MARCHF7: variants seen among roughly 807,000 people sequenced by gnomAD.
MARCHF7 encodes membrane associated ring-CH-type finger 7.
MARCHF7 carries 20 observed loss-of-function variants against 76.5 expected under a neutral mutation model. The ratio of observed to expected loss-of-function variants is 0.26; its 90% confidence interval spans 0.18 to 0.38. The LOEUF is 0.38. MARCHF7 is among the 10% of genes least tolerant of loss of function. The probability of loss-of-function intolerance (pLI) is 1.00; values close to 1 mark genes in which losing one functional copy is unlikely to be tolerated. For synonymous variants in MARCHF7, 295 were observed against 293.0 expected, an observed-to-expected ratio of 1.01 and a Z score of -0.07; for missense variants, 797 against 812.9, an observed-to-expected ratio of 0.98 and a Z score of 0.24.
intron 11 of MARCHF7, 116 bp from the exon 12 acceptor site, chr2:159,767,168 T>C (rs770792504): frequency 9.7e-6 from 7 of 724,656 alleles, no homozygotes; most frequent in Non-Finnish European, 1.4e-5. Context: ...GATCAAACAA[T>C]ATACTAAATT....
At chr2:159,754,150 T>C (rs910763327) in intron 8 of MARCHF7, among the ~76,000 whole-genome samples, 5 of 152,136 alleles carry the variant, frequency 3.3e-5, no homozygotes, top group Non-Finnish European at 5.9e-5. Flanking sequence ...GAGGTTTTGG[T>C]ATTAAATAAG....
intron 11 of MARCHF7, among the ~76,000 whole-genome samples, chr2:159,764,925 ATTG>A (rs1053400431): frequency 3.3e-5 from 5 of 150,002 alleles, no homozygotes; most frequent in African/African-American, 9.8e-5. Flanking sequence ...AGAGAAATTT[ATTG>A]TTGATCACCT....
chr2:159,749,493 G>A (rs915056227), intron 7 of MARCHF7, among the ~76,000 whole-genome samples: 10 of 151,726 alleles, frequency 6.6e-5, no homozygotes, highest in Non-Finnish European at 8.8e-5. Context: ...GATTACAGGC[G>A]CCTGCCACCA....
chr2:159,762,439 A>T (rs1010989881), intron 9 of MARCHF7, among the ~76,000 whole-genome samples: 2 of 152,180 alleles, frequency 1.3e-5, no homozygotes, highest in Non-Finnish European at 2.9e-5. Context: ...TCATTCTTTT[A>T]TTTATGCCTT....
In MARCHF7 at chr2:159,769,151, T is replaced by C. The variant is rs1708052230; in HGVS notation, c.*1809T>C. The C allele has an allele frequency of 6.6e-6, 1 of 152,204 alleles. No individual in the cohort carries two copies. The allele number at this position is 152,204 out of a possible 1,614,324, so 9.4% of individuals were successfully genotyped here. A position where few individuals can be genotyped will look rare whatever the true frequency, so the allele number is the denominator to read the frequency against. The stretch of plus-strand genomic sequence containing the variant: ...TACACTGCTCACTACAAGAATGCAA[T>C]TTTCTAAGAAAATGTAGTTTAAAAT... On this transcript the variant is annotated 3_prime_UTR_variant, in exon 12 of 12. Coordinates refer to ENST00000409175, the MANE Select transcript of MARCHF7 (RefSeq NM_001282805.2).
intron 1 of MARCHF7, 83 bp downstream of exon 1, chr2:159,712,689 C>T (rs1285553470): frequency 6.6e-6 from 1 of 152,298 alleles, no homozygotes; most frequent in African/African-American, 2.4e-5. Context: ...TAGTTCTTCT[C>T]CGTCTTGGGC....
intron 5 of MARCHF7, among the ~76,000 whole-genome samples, chr2:159,744,557 G>T (rs1241682834): frequency 6.6e-6 from 1 of 152,220 alleles, no homozygotes; most frequent in Non-Finnish European, 1.5e-5. Context: ...AACTTGTGGT[G>T]ACACAATTGG....
rs770352473 is a variant in MARCHF7, at chr2:159,747,907, C to T, written c.617C>T (p.Pro206Leu). Residue 206 changes from proline (P) to leucine (L), a missense_variant, in exon 7 of 12, where the codon CCT (proline) becomes CTT (leucine). Physicochemically the swap from Pro to Leu is moderately conservative, Grantham distance 98 (BLOSUM62 -3). This residue lies in a region of MARCHF7 where 643 missense variants were observed against 631.5 expected (regional missense o/e 1.02). Transcript: ENST00000409175. Reference sequence around the variant, plus strand: ...ACATCATCCACAAACCACCAATTGCCTTCTGAACATCAGACCATACTAAGT... The same window carrying T: ...ACATCATCCACAAACCACCAATTGCTTTCTGAACATCAGACCATACTAAGT... ...LNTSSTNHQL[P>L]SEHQTILSSR... 6.2e-7 allele frequency: 1 copy of T among 1,614,140 alleles called. No individual in the cohort carries two copies. Among genetic ancestry groups the T allele is most frequent in the Non-Finnish European group, 8.5e-7 (1 of 1,180,002 alleles).
intron 4 of MARCHF7, among the ~76,000 whole-genome samples, chr2:159,735,893 C>CA (rs1703390746): frequency 1.3e-5 from 2 of 152,116 alleles, no homozygotes; most frequent in Non-Finnish European, 2.9e-5. Flanking sequence ...CTTTGGGAGA[C>CA]AAAACGGCAG....
chr2:159,741,210 A>G (rs1028956452), intron 4 of MARCHF7, among the ~76,000 whole-genome samples: 3 of 152,116 alleles, frequency 2.0e-5, no homozygotes, highest in African/African-American at 7.2e-5. Context: ...CTGTCTCTAC[A>G]AAATAAAAAT....
At chr2:159,742,125 T>C (rs1704197986) in intron 4 of MARCHF7, among the ~76,000 whole-genome samples, 1 of 152,228 alleles carries the variant, frequency 6.6e-6, no homozygotes, top group Non-Finnish European at 1.5e-5. Context: ...TTATCAGTGA[T>C]ACTTGTTTAC....
intron 4 of MARCHF7, chr2:159,734,020 C>A: frequency 7.4e-7 from 1 of 1,351,768 alleles, no homozygotes; most frequent in Non-Finnish European, 9.7e-7. Context: ...GCTATCCCAT[C>A]TTTAAATTTT....
intron 7 of MARCHF7, among the ~76,000 whole-genome samples, chr2:159,749,740 G>C (rs13032500): frequency 0.34 from 52,130 of 151,444 alleles, 9,121 homozygotes; most frequent in South Asian, 0.44. Flanking sequence ...GTTGGGGCGG[G>C]GGGGGCGGTT....
In MARCHF7 at chr2:159,748,055, C is replaced by T. The variant is rs1344540662; in HGVS notation, c.765C>T (p.Ser255=). ...SSSRDEAPII[S]NSERVVSSQR... Reference sequence around the variant, plus strand: ...GTAGAGATGAAGCCCCAATCATAAGCAATTCAGAAAGGGTTGTTTCATCTC... The same window carrying T: ...GTAGAGATGAAGCCCCAATCATAAGTAATTCAGAAAGGGTTGTTTCATCTC... The change falls in exon 7 of 12, where the codon AGC becomes AGT. Residue 255 remains serine, a synonymous_variant. Transcript: ENST00000409175. 4 of 1,614,026 alleles carry T rather than the reference C, an allele frequency of 2.5e-6. No individual in the cohort carries two copies. In the African/African-American group the frequency reaches 4.0e-5, roughly 16 times the overall value.
chr2:159,763,031 T>A, intron 10 of MARCHF7, 38 bp downstream of exon 10: 1 of 1,323,280 alleles, frequency 7.6e-7, no homozygotes, highest in Non-Finnish European at 1.1e-6. Context: ...GAGGGTATGA[T>A]GCAGCAAGTG....
chr2:159,736,469 T>A (rs894920444), intron 4 of MARCHF7, among the ~76,000 whole-genome samples: 1 of 152,250 alleles, frequency 6.6e-6, no homozygotes, highest in Non-Finnish European at 1.5e-5. Context: ...AGTACACTTG[T>A]CTTGTTACTC....
In MARCHF7 at chr2:159,714,592, T is replaced by G. The variant is rs1700819571; in HGVS notation, c.-107T>G. ...TTTGTTCCTGTAGCTGAAACATACATTGAATGGTAAGTTAGAGCCCGACAT... is the reference window on the plus strand; with the variant it reads ...TTTGTTCCTGTAGCTGAAACATACAGTGAATGGTAAGTTAGAGCCCGACAT... On this transcript the variant is annotated 5_prime_UTR_variant, in exon 2 of 12. Transcript: ENST00000409175. The G allele has an allele frequency of 6.6e-6, 1 of 152,176 alleles. No homozygotes were observed. The allele number at this position is 152,176 out of a possible 1,614,324, so 9.4% of individuals were successfully genotyped here.
At chr2:159,752,000 C>T (rs970959137) in intron 7 of MARCHF7, among the ~76,000 whole-genome samples, 4 of 152,064 alleles carry the variant, frequency 2.6e-5, no homozygotes, top group Non-Finnish European at 5.9e-5. Context: ...GTTTATCTTA[C>T]CTTTATACTG....
intron 4 of MARCHF7, chr2:159,732,789 C>G: frequency 1.0e-6 from 1 of 957,490 alleles, no homozygotes; most frequent in Non-Finnish European, 1.2e-6. Flanking sequence ...ACCTCAGCCT[C>G]CCAAAGTGAT....
Sources: gnomAD v4.1 joint callset for allele counts (sites outside exome capture counted in the v4.1 genomes callset) on GRCh38, gnomAD v4.1.1 for gene constraint, gnomAD v4.1.1 regional missense constraint, MANE v1.5 for transcripts, NCBI Gene and HGNC (gene_info 2026-07-23, HGNC 2026-07-21) for gene names.